SHTN1: variants seen among roughly 807,000 people sequenced by gnomAD.
The protein encoded by SHTN1 is shootin-1.
Under a neutral mutation model 83.1 loss-of-function variants are expected in SHTN1, and 42 were observed. The observed-to-expected ratio is 0.51, with a 90% CI of 0.39 to 0.65. SHTN1 has a LOEUF of 0.65. Ranked by LOEUF, SHTN1 falls within the 30% of genes least tolerant of loss-of-function variation. The pLI is 0.00. For missense variants in SHTN1, 622 were observed against 737.8 expected (o/e 0.84, Z 1.82); for synonymous variants, 224 against 247.7 (o/e 0.90, Z 0.90).
chr10:116,993,047 G>C (rs373536119), intron 1 of SHTN1, among the ~76,000 whole-genome samples: 1 of 113,350 alleles, frequency 8.8e-6, no homozygotes, highest in Non-Finnish European at 1.7e-5. Flanking sequence ...ATGGAGTCTC[G>C]CTCTATTGCC....
At chr10:116,897,137 T>C (rs1322178215) in intron 16 of SHTN1, among the ~76,000 whole-genome samples, 2 of 152,120 alleles carry the variant, frequency 1.3e-5, no homozygotes, top group Non-Finnish European at 2.9e-5. Context: ...ACTTCTAATG[T>C]AAAAAGGTCT....
Position 117,005,148 on chromosome 10 carries a change from GA to G in SHTN1, c.-70del. 1.3e-6 allele frequency: 2 copies of G among 1,551,872 alleles called. No homozygotes were observed. The highest frequency in any genetic ancestry group is 1.7e-6 in the Non-Finnish European group (2 of 1,147,466). Reference sequence around the variant, plus strand: ...GCGGGGCACACAGGAGGAGGGGGAAGAAAAAGCAAGATGCCGGTGGCTTGCG... The same window carrying G: ...GCGGGGCACACAGGAGGAGGGGGAAGAAAAGCAAGATGCCGGTGGCTTGCG... On this transcript the variant is annotated 5_prime_UTR_variant, in exon 1 of 17. Coordinates refer to ENST00000355371, the MANE Select transcript of SHTN1 (RefSeq NM_001127211.3).
At chr10:117,032,297 G>A (rs1427661806) in intron 2 of SHTN1, among the ~76,000 whole-genome samples, 1 of 152,020 alleles carries the variant, frequency 6.6e-6, no homozygotes, top group Non-Finnish European at 1.5e-5. Flanking sequence ...TCCGCCTCCT[G>A]GGTTCACGCC....
chr10:117,036,110 G>A (rs1287345914), intron 2 of SHTN1, among the ~76,000 whole-genome samples: 2 of 152,096 alleles, frequency 1.3e-5, no homozygotes, highest in South Asian at 2.1e-4. Flanking sequence ...CAGTTAAAAT[G>A]GCTTTTATCC....
At chr10:117,094,447 T>A (rs1368611769) in intron 1 of SHTN1, among the ~76,000 whole-genome samples, 1 of 152,218 alleles carries the variant, frequency 6.6e-6, no homozygotes, top group East Asian at 1.9e-4. Flanking sequence ...TAAAGCCATT[T>A]CATAGATAAA....
At chr10:116,892,604 G>T (rs1365433391) in intron 16 of SHTN1, among the ~76,000 whole-genome samples, 2 of 152,180 alleles carry the variant, frequency 1.3e-5, no homozygotes, top group East Asian at 3.9e-4. Flanking sequence ...TATGTTTTCA[G>T]GAAAATACTG....
chr10:117,021,479 T>C (rs1484612210), intron 2 of SHTN1, among the ~76,000 whole-genome samples: 1 of 152,310 alleles, frequency 6.6e-6, no homozygotes, highest in Middle Eastern at 3.4e-3. Flanking sequence ...CTTAGTGAAA[T>C]GTAAAATGGT....
At chr10:116,909,146 G>A (rs937162348) in intron 14 of SHTN1, among the ~76,000 whole-genome samples, 4 of 152,160 alleles carry the variant, frequency 2.6e-5, no homozygotes, top group Non-Finnish European at 5.9e-5. Flanking sequence ...GAGCCTCAGG[G>A]TCTGGGGACA....
At chr10:117,018,568 A>ATTTT (rs36032476) in intron 2 of SHTN1, among the ~76,000 whole-genome samples, 1 of 31,372 alleles carries the variant, frequency 3.2e-5, no homozygotes, top group African/African-American at 5.3e-5. Context: ...TGCTCTCACC[A>ATTTT]TTTTTTTTTT....
At chr10:117,048,925 CT>C (rs1164875575) in intron 1 of SHTN1, among the ~76,000 whole-genome samples, 1 of 152,156 alleles carries the variant, frequency 6.6e-6, no homozygotes, top group African/African-American at 2.4e-5. Flanking sequence ...AGGTGGGAAT[CT>C]AAAAACCTGT....
chr10:116,920,007 C>T (rs1807849572), intron 12 of SHTN1, among the ~76,000 whole-genome samples: 1 of 152,184 alleles, frequency 6.6e-6, no homozygotes, highest in Admixed American at 6.5e-5. Context: ...CCTCAAAGAG[C>T]TTGCAATCTG....
intron 15 of SHTN1, among the ~76,000 whole-genome samples, chr10:116,903,595 C>T (rs1470236996): frequency 2.0e-5 from 3 of 151,974 alleles, no homozygotes; most frequent in Non-Finnish European, 2.9e-5. Context: ...GTGGCAGTTA[C>T]GACAGAAGGG....
intron 2 of SHTN1, among the ~76,000 whole-genome samples, chr10:117,010,995 C>T (rs1323586402): frequency 6.6e-6 from 1 of 152,164 alleles, no homozygotes; most frequent in Non-Finnish European, 1.5e-5. Context: ...TGAAAGCTTT[C>T]CCCCTGAAAT....
intron 2 of SHTN1, among the ~76,000 whole-genome samples, chr10:117,011,323 A>G (rs963254539): frequency 6.6e-6 from 1 of 152,164 alleles, no homozygotes; most frequent in African/African-American, 2.4e-5. Flanking sequence ...GTGGATATCT[A>G]CTTTTCCCAA....
At chr10:117,071,977 G>A (rs891747795) in intron 1 of SHTN1, among the ~76,000 whole-genome samples, 1 of 152,160 alleles carries the variant, frequency 6.6e-6, no homozygotes, top group African/African-American at 2.4e-5. Flanking sequence ...CCTTTTCTAA[G>A]GACTTTCATT....
At chr10:117,026,420 CTTCTT>C (rs1332019292) in intron 2 of SHTN1, among the ~76,000 whole-genome samples, 30 of 63,392 alleles carry the variant, frequency 4.7e-4, no homozygotes, top group African/African-American at 1.2e-3. Context: ...TCCAGATAGA[CTTCTT>C]TTTTTTTTTT....
chr10:117,037,176 T>C (rs1852509928), intron 2 of SHTN1, among the ~76,000 whole-genome samples: 1 of 152,176 alleles, frequency 6.6e-6, no homozygotes, highest in Admixed American at 6.5e-5. Context: ...TCATGGTTCA[T>C]GCCTGTAGTC....
chr10:117,062,355 G>A (rs928202495), intron 1 of SHTN1, among the ~76,000 whole-genome samples: 1 of 152,146 alleles, frequency 6.6e-6, no homozygotes, highest in Non-Finnish European at 1.5e-5. Flanking sequence ...CCTGAGTATT[G>A]TGTGTCTTGC....
intron 2 of SHTN1, among the ~76,000 whole-genome samples, chr10:116,975,488 A>C (rs1850769164): frequency 6.6e-6 from 1 of 152,134 alleles, no homozygotes; most frequent in African/African-American, 2.4e-5. Context: ...TTGTCAACTT[A>C]TTTGAGGTCC....
Sources: gnomAD v4.1 joint callset for allele counts (sites outside exome capture counted in the v4.1 genomes callset) on GRCh38, gnomAD v4.1.1 for gene constraint, MANE v1.5 for transcripts, NCBI Gene and HGNC (gene_info 2026-07-23, HGNC 2026-07-21) for gene names.